NUGGC: variants seen among roughly 807,000 people sequenced by gnomAD.
NUGGC encodes the protein nuclear GTPase, germinal center associated, also known as nuclear GTPase SLIP-GC.
A neutral mutation model predicts 92.6 loss-of-function variants in NUGGC; 58 were observed. The observed-to-expected ratio is 0.63, with a 90% CI of 0.51 to 0.78. The LOEUF (loss-of-function observed/expected upper bound fraction) is 0.78, where lower values mean the gene tolerates loss of function less well. Ranked by LOEUF, NUGGC falls within the 30% of genes least tolerant of loss-of-function variation. NUGGC has a pLI of 0.00. For missense variants in NUGGC, 925 were observed against 964.6 expected (o/e 0.96, Z 0.54); for synonymous variants, 376 against 366.4 (o/e 1.03, Z -0.30).
chr8:28,022,424 C>CT lies in NUGGC; in HGVS notation c.*892dup, dbSNP rs1563210283. 1 of 150,902 alleles carries CT rather than the reference C, an allele frequency of 6.6e-6. No homozygotes were observed. The highest frequency in any genetic ancestry group is 1.5e-5 in the Non-Finnish European group (1 of 67,284). The allele number at this position is 150,902 out of a possible 1,614,324, so 9.3% of individuals were successfully genotyped here. A position where few individuals can be genotyped will look rare whatever the true frequency, so the allele number is the denominator to read the frequency against. On this transcript the variant is annotated 3_prime_UTR_variant, in exon 19 of 19. Coordinates refer to ENST00000413272, the MANE Select transcript of NUGGC (RefSeq NM_001010906.2). ...CCGCCCGCCTCAGCCTCCCAAAGTG[C>CT]TGGGATTACGGGAGTGAGCCACCAT...
intron 3 of NUGGC, 91 bp from the exon 4 acceptor site, chr8:28,069,743 A>T: frequency 2.6e-6 from 2 of 771,556 alleles, no homozygotes; most frequent in Non-Finnish European, 4.6e-6. Flanking sequence ...CATCGCAGAG[A>T]AGGGAAAAAA....
chr8:28,079,410 C>T (rs544317346), intron 1 of NUGGC, among the ~76,000 whole-genome samples: 3 of 151,990 alleles, frequency 2.0e-5, no homozygotes, highest in Admixed American at 2.0e-4. Context: ...TGTGGTGGCA[C>T]GCGCCTGTAA....
intron 13 of NUGGC, among the ~76,000 whole-genome samples, chr8:28,040,769 C>T (rs1474564066): frequency 6.6e-6 from 1 of 152,050 alleles, no homozygotes; most frequent in Non-Finnish European, 1.5e-5. Flanking sequence ...GCCTCAGCCT[C>T]CTGAGCAGCT....
At chr8:28,045,281 A>G (rs543840728) in intron 12 of NUGGC, among the ~76,000 whole-genome samples, 1 of 152,306 alleles carries the variant, frequency 6.6e-6, no homozygotes, top group East Asian at 1.9e-4. Context: ...GAGTTGGAAA[A>G]TAGCTACTAT....
chr8:28,071,120 A>G (rs751896740), intron 2 of NUGGC, among the ~76,000 whole-genome samples: 2 of 152,236 alleles, frequency 1.3e-5, no homozygotes, highest in African/African-American at 4.8e-5. Context: ...GTCTGCATTT[A>G]GTTCCAAAAT....
intron 1 of NUGGC, among the ~76,000 whole-genome samples, chr8:28,076,395 T>C (rs1220797675): frequency 2.0e-5 from 3 of 152,116 alleles, no homozygotes; most frequent in Non-Finnish European, 4.4e-5. Flanking sequence ...ACCTCCTGGG[T>C]TCAAGCGATT....
At chr8:28,030,185 G>A (rs1405929690) in intron 16 of NUGGC, 125 bp downstream of exon 16, 1 of 643,358 alleles carries the variant, frequency 1.6e-6, no homozygotes, top group East Asian at 2.8e-5. Flanking sequence ...TGTGTGGACT[G>A]AGAGTGCTGC....
At position 28,023,227 on chromosome 8, in the gene NUGGC, G is replaced by T; in HGVS notation, c.*90C>A. ...CACTCCAGCCTGGGCAACAGAGGTA[G>T]ATAGATCTTGTCTCTTAAGAACAAA... On this transcript the variant is annotated 3_prime_UTR_variant, in exon 19 of 19. Coordinates refer to ENST00000413272, the MANE Select transcript of NUGGC (RefSeq NM_001010906.2). The T allele has an allele frequency of 7.1e-7, 1 of 1,408,738 alleles. No individual in the cohort carries two copies. Among genetic ancestry groups the T allele is most frequent in the Non-Finnish European group, 9.6e-7 (1 of 1,044,720 alleles). The allele number at this position is 1,408,738 out of a possible 1,614,324, so 87.3% of individuals were successfully genotyped here.
At chr8:28,068,171 A>G in intron 5 of NUGGC, 45 bp downstream of exon 5, 1 of 1,219,876 alleles carries the variant, frequency 8.2e-7, no homozygotes. Context: ...GAAAGGAAGG[A>G]AAAAGGAAGG....
At chr8:28,025,774 C>T (rs1183254684) in intron 18 of NUGGC, among the ~76,000 whole-genome samples, 2 of 152,174 alleles carry the variant, frequency 1.3e-5, no homozygotes, top group Non-Finnish European at 2.9e-5. Flanking sequence ...TGTCTACTTT[C>T]ACCCTGGCAA....
At chr8:28,040,848 T>C (rs565544585) in intron 13 of NUGGC, among the ~76,000 whole-genome samples, 29 of 152,330 alleles carry the variant, frequency 1.9e-4, no homozygotes, top group Non-Finnish European at 3.4e-4. Flanking sequence ...GGTTTCACCA[T>C]GTTGGCCAGG....
chr8:28,044,791 A>G (rs1332058940), intron 12 of NUGGC, among the ~76,000 whole-genome samples: 1 of 152,084 alleles, frequency 6.6e-6, no homozygotes, highest in East Asian at 1.9e-4. Flanking sequence ...TCAGAGATCT[A>G]TTTTTACACA....
rs181965694 is a variant in NUGGC, at chr8:28,061,923, C to A, written c.922-1322G>T. The stretch of plus-strand genomic sequence containing the variant: ...TGTCAAGAGTTTGAGAAACCCTGAT[C>A]CAGGGCAGTGGGTTTCAGCTTGCTT... On this transcript the variant is annotated intron_variant, in intron 7 of 18. Transcript: ENST00000413272. Among the ~76,000 whole-genome samples, 201 of 152,164 alleles carry A rather than the reference C, an allele frequency of 1.3e-3. 1 individual carries two copies. The highest frequency in any genetic ancestry group is 3.1e-3 in the Admixed American group (47 of 15,288).
intron 4 of NUGGC, among the ~76,000 whole-genome samples, chr8:28,068,704 T>C (rs1810510399): frequency 6.6e-6 from 1 of 152,202 alleles, no homozygotes; most frequent in African/African-American, 2.4e-5. Context: ...GGTGTCTTTA[T>C]TTGTATTCAC....
chr8:28,056,329 T>A (rs769241649), intron 9 of NUGGC, among the ~76,000 whole-genome samples: 19 of 151,952 alleles, frequency 1.3e-4, no homozygotes, highest in Non-Finnish European at 2.8e-4. Context: ...ATACAAAAAA[T>A]TAGCTAGGCG....
rs751612628 is a variant in NUGGC at position 28,041,092 on chromosome 8, C to A, written c.1570G>T (p.Ala524Ser). The A allele has an allele frequency of 2.5e-6, 4 of 1,606,514 alleles. No individual in the cohort carries two copies. Among genetic ancestry groups the A allele is most frequent in the African/African-American group, 1.3e-5 (1 of 74,798 alleles). Reference sequence around the variant, plus strand: ...AGGATGCAGCGGTAAGAAGTCCTGGCGGTCCTGACCCCTTCTTGCAGAGGC... The same window carrying A: ...AGGATGCAGCGGTAAGAAGTCCTGGAGGTCCTGACCCCTTCTTGCAGAGGC... ...EQPLQEGVRT[A>S]RTSYRCILRA... Residue 524 changes from alanine to serine, a missense_variant, in exon 13 of 19, where the codon GCC becomes TCC. Ala to Ser is a moderately conservative substitution (Grantham distance 99, BLOSUM62 1). Transcript: ENST00000413272.
At chr8:28,083,510 A>G (rs544423450) in intron 1 of NUGGC, among the ~76,000 whole-genome samples, 22 of 152,356 alleles carry the variant, frequency 1.4e-4, no homozygotes, top group Non-Finnish European at 2.1e-4. Flanking sequence ...GCCACAGTAG[A>G]AAGCAGACGT....
intron 6 of NUGGC, among the ~76,000 whole-genome samples, chr8:28,066,161 C>T (rs765681282): frequency 5.9e-5 from 9 of 152,234 alleles, no homozygotes; most frequent in African/African-American, 1.2e-4. Flanking sequence ...GTGTAAGTTG[C>T]GTGTATTCAG....
At chr8:28,030,021 G>A (rs762876802) in intron 16 of NUGGC, among the ~76,000 whole-genome samples, 2 of 152,120 alleles carry the variant, frequency 1.3e-5, no homozygotes, top group Non-Finnish European at 2.9e-5. Flanking sequence ...TGAATACTTG[G>A]AAACAAAAAT....
Sources: allele counts gnomAD v4.1 joint callset (sites outside exome capture counted in the v4.1 genomes callset), GRCh38; gene constraint gnomAD v4.1.1; transcripts MANE v1.5; gene names NCBI Gene and HGNC (gene_info 2026-07-23, HGNC 2026-07-21).